The following SRP72 variants were observed in gnomAD, a reference collection of about 807,000 sequenced individuals.
The protein encoded by SRP72 is signal recognition particle subunit SRP72.
SRP72 carries 49 observed loss-of-function variants against 96.3 expected under a neutral mutation model. The ratio of observed to expected loss-of-function variants is 0.51; its 90% CI spans 0.40 to 0.65. The LOEUF (loss-of-function observed/expected upper bound fraction) is 0.65. Among genes scored for constraint, SRP72 ranks in the 30% least tolerant of loss-of-function variants. The pLI, the probability that SRP72 is intolerant of heterozygous loss-of-function variation, is 0.00. For synonymous variants in SRP72, 267 were observed against 275.2 expected (o/e 0.97, Z 0.30); for missense variants, 736 against 793.3 (o/e 0.93, Z 0.87).
At chr4:56,471,867 G>A (rs1560674430) in intron 3 of SRP72, 24 bp downstream of exon 3, 1 of 1,612,758 alleles carries the variant, frequency 6.2e-7, no homozygotes, top group African/African-American at 1.3e-5. Context: ...TTAAATACAT[G>A]TTGACAGTGA....
chr4:56,467,770 C>CAGGGGGGG, intron 1 of SRP72, 26 bp downstream of exon 1: 13 of 567,224 alleles, frequency 2.3e-5, no homozygotes, highest in Non-Finnish European at 3.4e-5. Flanking sequence ...GGCACTGGGG[C>CAGGGGGGG]GGGCCCAGGC....
Position 56,470,866 on chromosome 4 carries a change from C to T in SRP72, c.231-854C>T, listed in dbSNP as rs1424454678. On this transcript the variant is annotated intron_variant, in intron 2 of 18. Coordinates refer to ENST00000642900, the MANE Select transcript of SRP72 (RefSeq NM_006947.4). ...TTTTTTGGGAGGAGTCTTGCTCTGT[C>T]GCCCAGGCTGGTGGAACCTCCACCT... Among the ~76,000 whole-genome samples the T allele has an allele frequency of 5.7e-5, 8 of 140,926 alleles. No homozygotes were observed. The East Asian group carries it at 1.2e-3, about 22-fold the overall frequency. The allele number at this position is 140,926 out of a possible 152,430, so 92.5% of individuals were successfully genotyped here. A position where few individuals can be genotyped will look rare whatever the true frequency, so the allele number is the denominator to read the frequency against.
In SRP72 at chr4:56,474,530, G is replaced by A. The variant is rs41476944; in HGVS notation, c.610+139G>A. The A allele has an allele frequency of 0.032, 24,759 of 762,438 alleles. 1,187 individuals carry two copies. Among genetic ancestry groups the A allele is most frequent in the East Asian group, 0.22 (7,943 of 36,614 alleles). 47.2% of individuals were successfully genotyped at this position (762,438 alleles called of 1,614,324 possible). On this transcript the variant is annotated intron_variant, in intron 5 of 18. Transcript: ENST00000642900. ...GTGACAATTTCTCCAAGTTCCTGTCGTCTTTCTCTCTCTTTTTTTTTTTTA... is the reference window on the plus strand; with the variant it reads ...GTGACAATTTCTCCAAGTTCCTGTCATCTTTCTCTCTCTTTTTTTTTTTTA...
intron 10 of SRP72, 84 bp downstream of exon 10, chr4:56,484,948 A>G: frequency 6.8e-7 from 1 of 1,466,080 alleles, no homozygotes; most frequent in Non-Finnish European, 9.0e-7. Flanking sequence ...CTAGCATGTA[A>G]ATTTAATGGG....
Position 56,503,216 on chromosome 4 carries a change from C to A in SRP72, c.*1355C>A, listed in dbSNP as rs1198921556. The A allele has an allele frequency of 1.3e-5, 2 of 152,084 alleles. No individual in the cohort carries two copies. The highest frequency in any genetic ancestry group is 4.8e-5 in the African/African-American group (2 of 41,414). 9.4% of individuals were successfully genotyped at this position (152,084 alleles called of 1,614,324 possible). On this transcript the variant is annotated 3_prime_UTR_variant, in exon 19 of 19. Transcript: ENST00000642900. ...AATTTGCAGTGGCATCTAAAGAGATCTTTTTTAAATAAAAATTATGTATTG... is the reference window on the plus strand; with the variant it reads ...AATTTGCAGTGGCATCTAAAGAGATATTTTTTAAATAAAAATTATGTATTG...
At position 56,503,615 on chromosome 4, in the gene SRP72, A is replaced by T. The variant is rs1578202890; in HGVS notation, c.*1754A>T. 1 of 152,210 alleles carries T rather than the reference A, an allele frequency of 6.6e-6. No homozygotes were observed. The highest frequency in any genetic ancestry group is 2.4e-5 in the African/African-American group (1 of 41,470). The allele number at this position is 152,210 out of a possible 1,614,324, so 9.4% of individuals were successfully genotyped here. ...GATGTGTATGTGTACATTTATAAGA[A>T]CCAGTATGGATACATCCATTCACTG... On this transcript the variant is annotated 3_prime_UTR_variant, in exon 19 of 19. Coordinates refer to ENST00000642900, the MANE Select transcript of SRP72 (RefSeq NM_006947.4).
intron 16 of SRP72, among the ~76,000 whole-genome samples, chr4:56,494,475 C>T (rs1216176747): frequency 6.6e-6 from 1 of 150,408 alleles, no homozygotes; most frequent in Non-Finnish European, 1.5e-5. Flanking sequence ...CGCAATCTCG[C>T]TCACTGCAGC....
At position 56,487,985 on chromosome 4, in the gene SRP72, T is replaced by C. The variant is rs1720779043; in HGVS notation, c.1196T>C (p.Ile399Thr). The C allele has an allele frequency of 1.9e-6, 3 of 1,600,210 alleles. No homozygotes were observed. The Admixed American group carries it at 5.4e-5, about 29-fold the overall frequency. The change falls in exon 12 of 19, where the codon ATA becomes ACA. Residue 399 changes from isoleucine (I) to threonine (T), a missense_variant. This residue lies in a region of SRP72 where 388 missense variants were observed against 431.8 expected (regional missense o/e 0.90). Transcript: ENST00000642900. ...ISKACLILRSIEELKHKPGMV... is the reference protein window; with the variant it reads ...ISKACLILRSTEELKHKPGMV... ...AAAGCATGTCTAATATTGAGAAGCA[T>C]AGAGGAGTTAAAGCATAAACCAGGC...
chr4:56,486,302 TC>T, intron 10 of SRP72, 22 bp from the exon 11 acceptor site: 1 of 1,566,302 alleles, frequency 6.4e-7, no homozygotes. Context: ...GTGATTTTTT[TC>T]CCCCAAACTA....
intron 2 of SRP72, among the ~76,000 whole-genome samples, chr4:56,470,604 A>G (rs537566460): frequency 2.0e-5 from 3 of 152,196 alleles, no homozygotes; most frequent in Non-Finnish European, 4.4e-5. Context: ...CAGTGGGAAT[A>G]AAGCCTCTTA....
At chr4:56,500,915 T>TA (rs1721238653) in intron 18 of SRP72, among the ~76,000 whole-genome samples, 1 of 152,148 alleles carries the variant, frequency 6.6e-6, no homozygotes. Flanking sequence ...TTTAAGTATT[T>TA]ACAATATAAT....
intron 17 of SRP72, 22 bp downstream of exon 17, chr4:56,495,416 TA>T: frequency 6.9e-7 from 1 of 1,446,138 alleles, no homozygotes; most frequent in Non-Finnish European, 9.6e-7. Flanking sequence ...AAAAAGTCTT[TA>T]TAAATTTTCT....
chr4:56,471,806 A>G lies in SRP72; in HGVS notation c.317A>G (p.Gln106Arg). 6.2e-7 allele frequency: 1 copy of G among 1,614,112 alleles called. No individual in the cohort carries two copies. Residue 106 changes from glutamine to arginine, a missense_variant, in exon 3 of 19, where the codon CAG becomes CGG. By Grantham distance (43) the Gln-to-Arg change is conservative (BLOSUM62 1). Around this residue, in one of 3 missense-constraint regions of SRP72, gnomAD observed 329 missense variants for 319.0 expected, o/e 1.03. Coordinates refer to ENST00000642900, the MANE Select transcript of SRP72 (RefSeq NM_006947.4). Reference sequence around the variant, plus strand: ...TTGAAGACAATAGAAAGTGCCAACCAGCAGACAGACAAACTGAAGGAGCTT... The same window carrying G: ...TTGAAGACAATAGAAAGTGCCAACCGGCAGACAGACAAACTGAAGGAGCTT... ...NALKTIESANQQTDKLKELYG... is the reference protein window; with the variant it reads ...NALKTIESANRQTDKLKELYG...
At position 56,476,686 on chromosome 4, in the gene SRP72, C is replaced by T. The variant is rs1720235593; in HGVS notation, c.626C>T (p.Ser209Leu). The T allele has an allele frequency of 6.2e-7, 1 of 1,612,656 alleles. No homozygotes were observed. Among genetic ancestry groups the T allele is most frequent in the Non-Finnish European group, 8.5e-7 (1 of 1,179,752 alleles). The change falls in exon 6 of 19, where the codon TCA becomes TTA. Residue 209 changes from serine (S) to leucine (L), a missense_variant. By Grantham distance (145) the Ser-to-Leu change is moderately radical (BLOSUM62 -2). Coordinates refer to ENST00000642900, the MANE Select transcript of SRP72 (RefSeq NM_006947.4). ...TCTCCTGTAGATCTTTGCCGCCGTT[C>T]ATTATCAGAAGACACTGTAAGTATT... is the stretch of plus-strand genomic sequence containing the variant. ...LQKAEDLCRR[S>L]LSEDTDGTEE...
At chr4:56,500,891 TTCAG>T (rs937588859) in intron 18 of SRP72, among the ~76,000 whole-genome samples, 196 bp downstream of exon 18, 1 of 152,154 alleles carries the variant, frequency 6.6e-6, no homozygotes, top group African/African-American at 2.4e-5. Flanking sequence ...GTTTTTACAA[TTCAG>T]TCAAATAGTT....
chr4:56,497,631 C>G (rs1172945845), intron 17 of SRP72, among the ~76,000 whole-genome samples: 1 of 151,740 alleles, frequency 6.6e-6, no homozygotes, highest in Non-Finnish European at 1.5e-5. Flanking sequence ...AGAATATCAG[C>G]CCACCCATAC....
intron 17 of SRP72, among the ~76,000 whole-genome samples, chr4:56,496,111 T>G (rs766004242): frequency 6.6e-6 from 1 of 152,198 alleles, no homozygotes. Context: ...CTTTAATCTC[T>G]GGAAAAATTG....
intron 11 of SRP72, among the ~76,000 whole-genome samples, 199 bp downstream of exon 11, chr4:56,486,596 T>G (rs1436461783): frequency 6.6e-6 from 1 of 152,226 alleles, no homozygotes; most frequent in Non-Finnish European, 1.5e-5. Context: ...GGATTATTCC[T>G]AAATTATTAG....
intron 6 of SRP72, 126 bp from the exon 7 acceptor site, chr4:56,478,253 C>T (rs987567717): frequency 2.0e-5 from 17 of 854,484 alleles, no homozygotes; most frequent in Non-Finnish European, 2.7e-5. Flanking sequence ...AAAGAACTGA[C>T]TCTAAGGGAA....
Sources: gnomAD v4.1 joint callset for allele counts (sites outside exome capture counted in the v4.1 genomes callset) on GRCh38, gnomAD v4.1.1 for gene constraint, gnomAD v4.1.1 regional missense constraint, MANE v1.5 for transcripts, NCBI Gene and HGNC (gene_info 2026-07-23, HGNC 2026-07-21) for gene names.